Variants in USP16 observed in about 807,000 individuals in gnomAD.
USP16 encodes the protein ubiquitin carboxyl-terminal hydrolase 16.
Under a neutral mutation model 95.9 loss-of-function variants are expected in USP16, and 77 were observed. The observed-to-expected ratio is 0.80, with a 90% confidence interval of 0.67 to 0.97. USP16 has a LOEUF of 0.97. Ranked by LOEUF, USP16 falls within the 50% of genes least tolerant of loss-of-function variation. The probability of loss-of-function intolerance (pLI) is 0.00; values close to 1 mark genes in which losing one functional copy is unlikely to be tolerated. For missense variants in USP16, 943 were observed against 959.9 expected (o/e 0.98, Z 0.23); for synonymous variants, 303 against 318.2 (o/e 0.95, Z 0.51).
chr21:29,046,748 G>A lies in USP16; in HGVS notation c.1438G>A (p.Glu480Lys), dbSNP rs773119965. Residue 480 changes from glutamate to lysine, a missense_variant, in exon 14 of 18, where the codon GAA becomes AAA. Coordinates refer to ENST00000399976, the MANE Select transcript of USP16 (RefSeq NM_006447.3). ...TACTATTGACCATCCTGAAGACAGTGAATATGAAGCTGAAATGTCACTTCA... is the reference window on the plus strand; with the variant it reads ...TACTATTGACCATCCTGAAGACAGTAAATATGAAGCTGAAATGTCACTTCA... Reference protein sequence around the residue: ...ICTIDHPEDSEYEAEMSLQGE... With the variant: ...ICTIDHPEDSKYEAEMSLQGE... The A allele has an allele frequency of 2.5e-6, 4 of 1,613,874 alleles. No homozygotes were observed. Among genetic ancestry groups the A allele is most frequent in the African/African-American group, 1.3e-5 (1 of 74,898 alleles).
intron 4 of USP16, 116 bp from the exon 5 acceptor site, chr21:29,036,155 G>A (rs922136542): frequency 2.6e-5 from 20 of 784,024 alleles, no homozygotes; most frequent in Admixed American, 2.4e-4. Context: ...TTTTACGTTC[G>A]GTTTCTTTAA....
chr21:29,028,431 A>G (rs898121174), intron 2 of USP16, among the ~76,000 whole-genome samples: 1 of 141,622 alleles, frequency 7.1e-6, no homozygotes, highest in African/African-American at 2.6e-5. Flanking sequence ...CTGACTTTCT[A>G]CATCTTTTTT....
chr21:29,047,295 G>A lies in USP16; in HGVS notation c.1985G>A (p.Cys662Tyr). 1 of 1,610,084 alleles carries A rather than the reference G, an allele frequency of 6.2e-7. No homozygotes were observed. Among genetic ancestry groups the A allele is most frequent in the South Asian group, 1.1e-5 (1 of 90,040 alleles). The change falls in exon 14 of 18, where the codon TGT becomes TAT. Residue 662 changes from cysteine (C) to tyrosine (Y), a missense_variant. Physicochemically the swap from Cys to Tyr is radical, Grantham distance 194. Coordinates refer to ENST00000399976, the MANE Select transcript of USP16 (RefSeq NM_006447.3). ...TGTGAAGTATGCACACGGAGACAGT[G>A]TAATGGACCAAAGGCAAATATAAAA... ...LLCEVCTRRQCNGPKANIKGE... is the reference protein window; with the variant it reads ...LLCEVCTRRQYNGPKANIKGE...
chr21:29,042,198 A>T, intron 11 of USP16, 94 bp downstream of exon 11: 1 of 1,152,172 alleles, frequency 8.7e-7, no homozygotes, highest in Non-Finnish European at 1.2e-6. Flanking sequence ...CCTTCATAGG[A>T]TATCTTTTTA....
chr21:29,038,983 C>A (rs1421490450), intron 7 of USP16, 43 bp from the exon 8 acceptor site: 1 of 1,448,244 alleles, frequency 6.9e-7, no homozygotes, highest in African/African-American at 1.5e-5. Context: ...GTCAGTGATT[C>A]CAGAATTTGA....
At chr21:29,043,730 T>C in intron 13 of USP16, 131 bp downstream of exon 13, 1 of 834,622 alleles carries the variant, frequency 1.2e-6, no homozygotes. Context: ...AATTACAGAA[T>C]TTAGCTCATT....
At chr21:29,053,129 T>A (rs2085441387) in intron 16 of USP16, 1 of 152,178 alleles carries the variant, frequency 6.6e-6, no homozygotes, top group Admixed American at 6.5e-5. Context: ...CTTCAGTGAA[T>A]ATGGAGGCAC....
chr21:29,032,268 C>G (rs1296849605), intron 3 of USP16, among the ~76,000 whole-genome samples: 1 of 152,016 alleles, frequency 6.6e-6, no homozygotes, highest in Non-Finnish European at 1.5e-5. Flanking sequence ...GTCTCACTCT[C>G]TCACCCAGGC....
In USP16 at chr21:29,027,962, T is replaced by G. The variant is rs951201519; in HGVS notation, c.49T>G (p.Ser17Ala). The G allele has an allele frequency of 2.9e-5, 46 of 1,612,572 alleles. No homozygotes were observed. Among genetic ancestry groups the G allele is most frequent in the Non-Finnish European group, 3.8e-5 (45 of 1,178,964 alleles). The change falls in exon 2 of 18, where the codon TCT becomes GCT. Residue 17 changes from serine to alanine, a missense_variant. Transcript: ENST00000399976. Reference protein sequence around the residue: ...KGKTVPIDDSSETLEPVCRHI... With the variant: ...KGKTVPIDDSAETLEPVCRHI... ...AAAAACTGTTCCAATCGATGATTCCTCTGAAACTTTAGGTATATTTCATTG... is the reference window on the plus strand; with the variant it reads ...AAAAACTGTTCCAATCGATGATTCCGCTGAAACTTTAGGTATATTTCATTG...
At chr21:29,051,165 C>G (rs2085407731) in intron 16 of USP16, among the ~76,000 whole-genome samples, 1 of 151,892 alleles carries the variant, frequency 6.6e-6, no homozygotes, top group Middle Eastern at 3.2e-3. Flanking sequence ...GATGGGAGTG[C>G]TGTAAATTGA....
At chr21:29,037,830 C>T (rs1209007973) in intron 6 of USP16, among the ~76,000 whole-genome samples, 1 of 151,966 alleles carries the variant, frequency 6.6e-6, no homozygotes, top group Admixed American at 6.6e-5. Context: ...AAGCCGTCCA[C>T]CCCCTTTGGC....
At chr21:29,039,599 A>T (rs763864315) in intron 9 of USP16, 31 bp downstream of exon 9, 3 of 1,589,220 alleles carry the variant, frequency 1.9e-6, no homozygotes, top group Non-Finnish European at 2.6e-6. Flanking sequence ...GTATTTTATG[A>T]TCTTATCTTC....
At chr21:29,053,703 AATGGTTAAAG>A in intron 16 of USP16, 89 bp from the exon 17 acceptor site, 2 of 1,231,772 alleles carry the variant, frequency 1.6e-6, no homozygotes, top group Non-Finnish European at 2.3e-6. Flanking sequence ...CTCTCAAAGT[AATGGTTAAAG>A]ACCCTTTGCA....
intron 16 of USP16, chr21:29,053,298 G>A (rs2085443980): frequency 6.5e-6 from 1 of 153,924 alleles, no homozygotes; most frequent in Non-Finnish European, 1.4e-5. Context: ...AGTCCTGAAA[G>A]AATAAGCAGC....
intron 15 of USP16, 147 bp from the exon 16 acceptor site, chr21:29,049,945 T>C: frequency 3.0e-6 from 2 of 666,656 alleles, no homozygotes; most frequent in Non-Finnish European, 5.0e-6. Flanking sequence ...TGGAATCAGT[T>C]AGTGTTCAGG....
At chr21:29,025,257 T>C (rs546890090) in intron 1 of USP16, among the ~76,000 whole-genome samples, 2 of 152,250 alleles carry the variant, frequency 1.3e-5, no homozygotes, top group African/African-American at 4.8e-5. Context: ...TTCCACACGC[T>C]TACATTTTTA....
intron 9 of USP16, among the ~76,000 whole-genome samples, 168 bp from the exon 10 acceptor site, chr21:29,040,441 A>G (rs1226080622): frequency 1.3e-5 from 2 of 152,186 alleles, no homozygotes; most frequent in African/African-American, 4.8e-5. Flanking sequence ...GCTTTGTGAC[A>G]TAATTCCTTT....
In USP16 at chr21:29,032,204, A is replaced by G. The variant is rs567744973; in HGVS notation, c.240+1431A>G. Among the ~76,000 whole-genome samples, 3 of 152,250 alleles carry G rather than the reference A, an allele frequency of 2.0e-5. No homozygotes were observed. In the South Asian group the frequency reaches 6.2e-4, roughly 32 times the overall value. On this transcript the variant is annotated intron_variant, in intron 3 of 17. Transcript: ENST00000399976. ...AAAAATGTTATGTAAATGGAGTCAT[A>G]CAGTGTGCAACATTTGGGGATTGGC...
intron 9 of USP16, among the ~76,000 whole-genome samples, chr21:29,040,065 T>C (rs1243606163): frequency 1.3e-5 from 2 of 152,328 alleles, no homozygotes; most frequent in East Asian, 3.8e-4. Flanking sequence ...ATAGTGATAA[T>C]AACTAATATT....
Sources: allele counts gnomAD v4.1 joint callset (sites outside exome capture counted in the v4.1 genomes callset), GRCh38; gene constraint gnomAD v4.1.1; transcripts MANE v1.5; gene names NCBI Gene and HGNC (gene_info 2026-07-23, HGNC 2026-07-21).